CPQ: variants seen among roughly 807,000 people sequenced by gnomAD.
CPQ encodes carboxypeptidase Q.
In CPQ, 37 loss-of-function variants were observed where a neutral mutation model predicts 45.7. The observed-to-expected ratio is 0.81, with a 90% CI of 0.62 to 1.07. CPQ has a LOEUF of 1.07. CPQ is among the 50% of genes least tolerant of loss of function. CPQ has a pLI of 0.00. For missense variants in CPQ, 537 were observed against 572.9 expected, an observed-to-expected ratio of 0.94 and a Z score of 0.64; for synonymous variants, 186 against 205.8, an observed-to-expected ratio of 0.90 and a Z score of 0.82.
intron 1 of CPQ, among the ~76,000 whole-genome samples, chr8:96,675,745 T>C (rs1431782704): frequency 6.6e-6 from 1 of 152,086 alleles, no homozygotes; most frequent in Non-Finnish European, 1.5e-5. Context: ...AACAGCACTC[T>C]GTTTTAGTTT....
At position 96,784,870 on chromosome 8, in the gene CPQ, T is replaced by G; in HGVS notation, c.-28T>G. 6.3e-7 allele frequency: 1 copy of G among 1,577,574 alleles called. No homozygotes were observed. Among genetic ancestry groups the G allele is most frequent in the Non-Finnish European group, 8.6e-7 (1 of 1,164,132 alleles). ...ATGTTTCTTATTTATGTAGATTATC[T>G]TAACAAGAAAACCAACTGGAAAAAA... On this transcript the variant is annotated 5_prime_UTR_variant, in exon 2 of 8. Transcript: ENST00000220763.
chr8:96,914,400 T>G (rs1563527739), intron 4 of CPQ, among the ~76,000 whole-genome samples: 1 of 152,180 alleles, frequency 6.6e-6, no homozygotes, highest in Non-Finnish European at 1.5e-5. Context: ...GGAATCCTTT[T>G]GTGGTACTTT....
At chr8:97,007,334 C>T (rs889651812) in intron 5 of CPQ, among the ~76,000 whole-genome samples, 2 of 152,160 alleles carry the variant, frequency 1.3e-5, no homozygotes, top group African/African-American at 4.8e-5. Context: ...TGTCCTCCCA[C>T]GATGCCCCTA....
chr8:96,835,963 G>A (rs920352725), intron 3 of CPQ, among the ~76,000 whole-genome samples: 1 of 152,062 alleles, frequency 6.6e-6, no homozygotes, highest in African/African-American at 2.4e-5. Context: ...TATTACAGTG[G>A]ATAAAAAGTC....
intron 3 of CPQ, among the ~76,000 whole-genome samples, chr8:96,841,122 A>G (rs1265615571): frequency 1.3e-5 from 2 of 152,184 alleles, no homozygotes; most frequent in Admixed American, 6.5e-5. Flanking sequence ...GCTTGGGGAC[A>G]GGAGAATAAG....
At chr8:96,706,695 T>G (rs922133631) in intron 1 of CPQ, among the ~76,000 whole-genome samples, 1 of 152,198 alleles carries the variant, frequency 6.6e-6, no homozygotes, top group African/African-American at 2.4e-5. Context: ...CAGTAACTGC[T>G]TTACATTTTC....
At chr8:96,888,695 T>A (rs941747123) in intron 4 of CPQ, among the ~76,000 whole-genome samples, 2 of 152,214 alleles carry the variant, frequency 1.3e-5, no homozygotes, top group African/African-American at 2.4e-5. Flanking sequence ...GCACTGGGAA[T>A]CTTTAAGAGG....
chr8:96,796,065 A>G (rs1157860251), intron 2 of CPQ, among the ~76,000 whole-genome samples: 1 of 152,100 alleles, frequency 6.6e-6, no homozygotes, highest in African/African-American at 2.4e-5. Context: ...ATATTGATAC[A>G]TTTATATTCT....
At chr8:97,014,629 G>C (rs1309937311) in intron 5 of CPQ, among the ~76,000 whole-genome samples, 1 of 143,796 alleles carries the variant, frequency 7.0e-6, no homozygotes, top group Non-Finnish European at 1.5e-5. Flanking sequence ...GTGACAGAGG[G>C]AGACTCCATC....
At chr8:96,949,337 G>A (rs187535154) in intron 4 of CPQ, among the ~76,000 whole-genome samples, 24 of 150,520 alleles carry the variant, frequency 1.6e-4, no homozygotes, top group Admixed American at 1.1e-3. Flanking sequence ...TGGAATTTTC[G>A]TTTGCTGACT....
intron 5 of CPQ, among the ~76,000 whole-genome samples, chr8:97,024,685 T>C (rs971428396): frequency 6.6e-6 from 1 of 152,180 alleles, no homozygotes; most frequent in Non-Finnish European, 1.5e-5. Flanking sequence ...CCCAAACCCA[T>C]GCATTTAACC....
intron 3 of CPQ, among the ~76,000 whole-genome samples, chr8:96,859,220 A>G (rs1383995181): frequency 6.6e-6 from 1 of 152,224 alleles, no homozygotes; most frequent in East Asian, 1.9e-4. Flanking sequence ...TTTCAGAAGC[A>G]TGGCCCTCCA....
intron 7 of CPQ, among the ~76,000 whole-genome samples, chr8:97,122,972 A>AAATTAAATT: frequency 1.7e-5 from 1 of 60,304 alleles, no homozygotes; most frequent in African/African-American, 8.1e-5. Flanking sequence ...AAAATAAAAT[A>AAATTAAATT]AAATAAAATT....
At chr8:97,016,915 T>C (rs1176622565) in intron 5 of CPQ, among the ~76,000 whole-genome samples, 1 of 152,214 alleles carries the variant, frequency 6.6e-6, no homozygotes, top group African/African-American at 2.4e-5. Flanking sequence ...AGATTGCAGC[T>C]GTCACTCGGA....
At chr8:96,951,440 C>A (rs1208766607) in intron 4 of CPQ, among the ~76,000 whole-genome samples, 1 of 152,106 alleles carries the variant, frequency 6.6e-6, no homozygotes. Context: ...CAGGTCAAAA[C>A]TAGCCCCTGG....
At chr8:97,046,450 A>G (rs1563565055) in intron 6 of CPQ, among the ~76,000 whole-genome samples, 1 of 152,098 alleles carries the variant, frequency 6.6e-6, no homozygotes, top group Non-Finnish European at 1.5e-5. Context: ...GAGCTTTTAT[A>G]CCCCACACAG....
At chr8:96,802,522 C>T (rs1811020371) in intron 2 of CPQ, among the ~76,000 whole-genome samples, 2 of 152,154 alleles carry the variant, frequency 1.3e-5, no homozygotes, top group African/African-American at 2.4e-5. Context: ...TAGACCAAGG[C>T]CTTGTGAGAC....
At chr8:96,774,743 TTCAAGTAC>T (rs778804980) in intron 1 of CPQ, among the ~76,000 whole-genome samples, 8 of 152,120 alleles carry the variant, frequency 5.3e-5, no homozygotes, top group Non-Finnish European at 1.2e-4. Flanking sequence ...TATTTAGAAT[TTCAAGTAC>T]TTTGGGAAAT....
chr8:96,724,490 GACAC>G (rs146087978), intron 1 of CPQ, among the ~76,000 whole-genome samples: 50,792 of 144,550 alleles, frequency 0.35, 9,013 homozygotes, highest in African/African-American at 0.45. Context: ...ATTTAGAGTA[GACAC>G]ACACACACAC....
Sources: allele counts gnomAD v4.1 joint callset (sites outside exome capture counted in the v4.1 genomes callset), GRCh38; gene constraint gnomAD v4.1.1; transcripts MANE v1.5; gene names NCBI Gene and HGNC (gene_info 2026-07-23, HGNC 2026-07-21).